CLASP2: variants seen among roughly 807,000 people sequenced by gnomAD.
CLASP2 encodes the protein CLIP-associating protein 2.
Under a neutral mutation model 194.4 loss-of-function variants are expected in CLASP2, and 47 were observed. That is an observed-to-expected ratio of 0.24 (90% CI 0.19 to 0.31). CLASP2 has a LOEUF of 0.31. Among genes scored for constraint, CLASP2 ranks in the 10% least tolerant of loss-of-function variants. The pLI is 1.00. For synonymous variants in CLASP2, 619 were observed against 633.5 expected, an observed-to-expected ratio of 0.98 and a Z score of 0.34; for missense variants, 1,445 against 1,823.6, an observed-to-expected ratio of 0.79 and a Z score of 3.78.
At chr3:33,716,258 C>T (rs1235827961) in intron 1 of CLASP2, among the ~76,000 whole-genome samples, 1 of 151,996 alleles carries the variant, frequency 6.6e-6, no homozygotes, top group Admixed American at 6.6e-5. Context: ...GGAGAAAATA[C>T]GTAGTGAAAA....
At position 33,689,764 on chromosome 3, in the gene CLASP2, C is replaced by T. The variant is rs2091135736; in HGVS notation, c.378+65G>A. On this transcript the variant is annotated intron_variant, in intron 3 of 38. Transcript: ENST00000682230. ...CTTAAAATTTCAGTGTTCATGCTTGCTGTGGCTTTAATGATTTCCTGTGAT... is the reference window on the plus strand; with the variant it reads ...CTTAAAATTTCAGTGTTCATGCTTGTTGTGGCTTTAATGATTTCCTGTGAT... The T allele has an allele frequency of 5.6e-6, 6 of 1,078,824 alleles. No homozygotes were observed. The Admixed American group carries it at 1.8e-4, about 31-fold the overall frequency. The allele number at this position is 1,078,824 out of a possible 1,614,324, so 66.8% of individuals were successfully genotyped here.
intron 1 of CLASP2, 69 bp downstream of exon 1, chr3:33,717,739 C>A: frequency 6.7e-7 from 1 of 1,488,624 alleles, no homozygotes; most frequent in Non-Finnish European, 9.1e-7. Flanking sequence ...CCCGGCCCGG[C>A]GCTCGCGTCC....
intron 1 of CLASP2, among the ~76,000 whole-genome samples, chr3:33,714,387 A>T (rs144294723): frequency 6.6e-6 from 1 of 152,328 alleles, no homozygotes; most frequent in African/African-American, 2.4e-5. Context: ...CTATCATCTC[A>T]ACTTGTAACA....
At chr3:33,609,194 C>T (rs527984376) in intron 13 of CLASP2, among the ~76,000 whole-genome samples, 2 of 151,632 alleles carry the variant, frequency 1.3e-5, no homozygotes, top group Admixed American at 6.6e-5. Context: ...GCAAGAGAAT[C>T]GCTTGAACCT....
At chr3:33,623,492 T>C (rs1484405520) in intron 10 of CLASP2, among the ~76,000 whole-genome samples, 1 of 152,132 alleles carries the variant, frequency 6.6e-6, no homozygotes, top group Non-Finnish European at 1.5e-5. Flanking sequence ...ATTTTTTTTT[T>C]TTTAGGTCCC....
At chr3:33,708,512 ATATG>A (rs2092823081) in intron 1 of CLASP2, among the ~76,000 whole-genome samples, 1 of 117,998 alleles carries the variant, frequency 8.5e-6, no homozygotes, top group African/African-American at 3.7e-5. Context: ...ATATGTATAT[ATATG>A]TATATATGTA....
At chr3:33,700,293 G>A (rs920294653) in intron 1 of CLASP2, among the ~76,000 whole-genome samples, 1 of 151,816 alleles carries the variant, frequency 6.6e-6, no homozygotes, top group Non-Finnish European at 1.5e-5. Context: ...TGGGTGTGGT[G>A]GCACATACCT....
At chr3:33,607,284 T>G in intron 15 of CLASP2, 100 bp downstream of exon 15, 2 of 738,072 alleles carry the variant, frequency 2.7e-6, no homozygotes, top group Non-Finnish European at 4.2e-6. Context: ...GGAGGGCTAG[T>G]CAAGTAAAAT....
chr3:33,677,133 G>C (rs2088834296), intron 6 of CLASP2, among the ~76,000 whole-genome samples: 1 of 152,014 alleles, frequency 6.6e-6, no homozygotes, highest in African/African-American at 2.4e-5. Context: ...AACCATTGTG[G>C]AAGTCAGTGT....
At chr3:33,587,619 G>T (rs1365964558) in intron 21 of CLASP2, among the ~76,000 whole-genome samples, 1 of 152,138 alleles carries the variant, frequency 6.6e-6, no homozygotes, top group African/African-American at 2.4e-5. Flanking sequence ...CTAAATTATT[G>T]TAAGGAAATT....
At position 33,655,283 on chromosome 3, in the gene CLASP2, C is replaced by T. The variant is rs142039017; in HGVS notation, c.715+8162G>A. The stretch of plus-strand genomic sequence containing the variant: ...AGGATATGTTACTATTGGTGCCCAA[C>T]CCCCTGCACCCGTTAAATGAGACTG... On this transcript the variant is annotated intron_variant, in intron 7 of 38. Coordinates refer to ENST00000682230, the MANE Select transcript of CLASP2 (RefSeq NM_001365631.1). Among the ~76,000 whole-genome samples, 94 of 152,220 alleles carry T rather than the reference C, an allele frequency of 6.2e-4. No homozygotes were observed. In the East Asian group the frequency reaches 0.016, roughly 26 times the overall value.
chr3:33,715,847 T>TAAAAAAAAAAAAA (rs59528446), intron 1 of CLASP2, among the ~76,000 whole-genome samples: 1 of 62,134 alleles, frequency 1.6e-5, no homozygotes, highest in Non-Finnish European at 2.9e-5. Flanking sequence ...GTATCTTAAG[T>TAAAAAAAAAAAAA]AAAAAAAAAA....
chr3:33,596,632 G>C, intron 19 of CLASP2, 79 bp downstream of exon 19: 1 of 945,738 alleles, frequency 1.1e-6, no homozygotes, highest in Non-Finnish European at 1.6e-6. Flanking sequence ...TAGAAATTAA[G>C]AGAAGAATGA....
At chr3:33,634,987 G>A (rs999152861) in intron 8 of CLASP2, among the ~76,000 whole-genome samples, 8 of 152,006 alleles carry the variant, frequency 5.3e-5, no homozygotes, top group Admixed American at 2.6e-4. Flanking sequence ...AGAGCCAGGC[G>A]CAGTGGCTCA....
chr3:33,641,592 A>G (rs933771538), intron 8 of CLASP2, among the ~76,000 whole-genome samples: 2 of 152,000 alleles, frequency 1.3e-5, no homozygotes, highest in African/African-American at 4.8e-5. Context: ...AACATACACT[A>G]AAGATTAAAC....
At position 33,553,534 on chromosome 3, in the gene CLASP2, G is replaced by A. The variant is rs74461726; in HGVS notation, c.3010-2139C>T. Among the ~76,000 whole-genome samples the A allele has an allele frequency of 2.1e-3, 317 of 152,196 alleles. 1 individual carries two copies. Among genetic ancestry groups the A allele is most frequent in the East Asian group, 0.012 (60 of 5,182 alleles). Reference sequence around the variant, plus strand: ...AAAACAAATAAACTATTTAGAAAATGGGCAAAGGATCTGAATAGACATTTG... The same window carrying A: ...AAAACAAATAAACTATTTAGAAAATAGGCAAAGGATCTGAATAGACATTTG... On this transcript the variant is annotated intron_variant, in intron 29 of 38. Coordinates refer to ENST00000682230, the MANE Select transcript of CLASP2 (RefSeq NM_001365631.1).
chr3:33,545,160 AC>A lies in CLASP2; in HGVS notation c.3154-320del, dbSNP rs549746343. 1.4e-3 allele frequency: 238 copies of A among 170,638 alleles called. 1 individual carries two copies. Among genetic ancestry groups the A allele is most frequent in the Middle Eastern group, 0.013 (5 of 388 alleles). 10.6% of individuals were successfully genotyped at this position (170,638 alleles called of 1,614,324 possible). A position where few individuals can be genotyped will look rare whatever the true frequency, so the allele number is the denominator to read the frequency against. ...TACAGTATTTTAGTTTTCCTAATAA[AC>A]GATTACAAGGAGAAATAATATCTAA... On this transcript the variant is annotated intron_variant, in intron 30 of 38. Transcript: ENST00000682230.
intron 5 of CLASP2, among the ~76,000 whole-genome samples, chr3:33,686,623 T>TA (rs1301748364): frequency 9.2e-5 from 14 of 152,164 alleles, no homozygotes; most frequent in Non-Finnish European, 8.8e-5. Context: ...ACAGTTCAGA[T>TA]AAAAAAGTTT....
intron 12 of CLASP2, among the ~76,000 whole-genome samples, chr3:33,617,989 C>G (rs1316191574): frequency 4.1e-5 from 6 of 146,416 alleles, no homozygotes; most frequent in Non-Finnish European, 9.0e-5. Context: ...ACTCTTGTTG[C>G]CCAGGCTGGA....
Sources: allele counts gnomAD v4.1 joint callset (sites outside exome capture counted in the v4.1 genomes callset), GRCh38; gene constraint gnomAD v4.1.1; transcripts MANE v1.5; gene names NCBI Gene and HGNC (gene_info 2026-07-23, HGNC 2026-07-21).